Variants in HECTD2 observed in about 807,000 individuals in gnomAD.
HECTD2 encodes the protein probable E3 ubiquitin-protein ligase HECTD2.
HECTD2 carries 35 observed loss-of-function variants against 103.2 expected under a neutral mutation model. The ratio of observed to expected loss-of-function variants is 0.34; its 90% confidence interval spans 0.26 to 0.45. The LOEUF is 0.45. HECTD2 is among the 20% of genes least tolerant of loss of function. The pLI is 1.00. For missense variants in HECTD2, 596 were observed against 937.4 expected (o/e 0.64, Z 4.76); for synonymous variants, 281 against 329.9 (o/e 0.85, Z 1.61).
chr10:91,477,346 A>G (rs1291335375), intron 5 of HECTD2, among the ~76,000 whole-genome samples: 1 of 152,226 alleles, frequency 6.6e-6, no homozygotes, highest in Non-Finnish European at 1.5e-5. Flanking sequence ...TGAACTATAG[A>G]AATGTTGTGG....
rs1308556658 is a variant in HECTD2, at chr10:91,410,543, G to T, written c.105G>T (p.Pro35=). 1 of 1,463,100 alleles carries T rather than the reference G, an allele frequency of 6.8e-7. No individual in the cohort carries two copies. Among genetic ancestry groups the T allele is most frequent in the East Asian group, 2.9e-5 (1 of 34,356 alleles). 90.6% of individuals were successfully genotyped at this position (1,463,100 alleles called of 1,614,324 possible). A position where few individuals can be genotyped will look rare whatever the true frequency, so the allele number is the denominator to read the frequency against. ...AGGAGTCAGAGCGCGAGAAGCTGCC[G>T]CCCATCGTATCGGCGGGCGCCGGCG... The part of the protein sequence containing the change: ...KGKESEREKL[P]PIVSAGAGAT... Residue 35 remains proline (P), a synonymous_variant, in exon 1 of 21, where the codon CCG becomes CCT. Coordinates refer to ENST00000298068, the MANE Select transcript of HECTD2 (RefSeq NM_182765.6).
intron 4 of HECTD2, among the ~76,000 whole-genome samples, chr10:91,461,851 T>C (rs566402350): frequency 1.3e-5 from 2 of 152,242 alleles, no homozygotes; most frequent in East Asian, 3.9e-4. Context: ...CACCCAGCCC[T>C]TAAATGTTGT....
rs146153729 is a variant in HECTD2 at position 91,432,849 on chromosome 10, T to C, written c.268+7439T>C. 1.2e-4 allele frequency among the ~76,000 whole-genome samples: 19 copies of C among 152,110 alleles called. No homozygotes were observed. In the East Asian group the frequency reaches 3.7e-3, roughly 30 times the overall value. Reference sequence around the variant, plus strand: ...CTAGAGAAAAGCATACTGTGATCTTTGTCACCCTGAAATAGCCAGGGAAGA... The same window carrying C: ...CTAGAGAAAAGCATACTGTGATCTTCGTCACCCTGAAATAGCCAGGGAAGA... On this transcript the variant is annotated intron_variant, in intron 2 of 20. Coordinates refer to ENST00000298068, the MANE Select transcript of HECTD2 (RefSeq NM_182765.6).
intron 7 of HECTD2, among the ~76,000 whole-genome samples, chr10:91,481,876 T>C (rs1846099788): frequency 6.6e-6 from 1 of 151,734 alleles, no homozygotes; most frequent in African/African-American, 2.4e-5. Context: ...TACAATATTA[T>C]GATATTATAA....
Position 91,493,495 on chromosome 10 carries a change from G to T in HECTD2, c.1508G>T (p.Arg503Leu). The T allele has an allele frequency of 6.5e-7, 1 of 1,532,368 alleles. No individual in the cohort carries two copies. 94.9% of individuals were successfully genotyped at this position (1,532,368 alleles called of 1,614,324 possible). Residue 503 changes from arginine (R) to leucine (L), a missense_variant, in exon 14 of 21, where the codon CGA becomes CTA. Coordinates refer to ENST00000298068, the MANE Select transcript of HECTD2 (RefSeq NM_182765.6). ...SFKCDNYSEF[R>L]LVGILMGLAV... ...AAATGTGATAACTATTCTGAATTCC[G>T]ATTGGTTGGAATTGTATCCTTTAAA...
intron 4 of HECTD2, among the ~76,000 whole-genome samples, chr10:91,461,792 T>G (rs1845361017): frequency 6.6e-6 from 1 of 152,052 alleles, no homozygotes; most frequent in Admixed American, 6.6e-5. Flanking sequence ...CGGGTGATCC[T>G]CCCATGTCAG....
At chr10:91,504,239 C>T (rs1214645323) in intron 20 of HECTD2, among the ~76,000 whole-genome samples, 1 of 152,200 alleles carries the variant, frequency 6.6e-6, no homozygotes, top group Non-Finnish European at 1.5e-5. Flanking sequence ...TCCAAAGGAA[C>T]GCAGCTCCTC....
chr10:91,433,492 A>ATAGAAAAC (rs1193985634), intron 2 of HECTD2, among the ~76,000 whole-genome samples: 1 of 152,012 alleles, frequency 6.6e-6, no homozygotes, highest in Non-Finnish European at 1.5e-5. Context: ...GTATCAGTAC[A>ATAGAAAAC]TAGAAAACTT....
chr10:91,496,810 A>G (rs939211899), intron 15 of HECTD2, among the ~76,000 whole-genome samples: 1 of 152,086 alleles, frequency 6.6e-6, no homozygotes, highest in Admixed American at 6.6e-5. Flanking sequence ...CATTCTAATC[A>G]TGCTATTATT....
At chr10:91,415,035 A>G (rs780046282) in intron 1 of HECTD2, among the ~76,000 whole-genome samples, 3 of 152,246 alleles carry the variant, frequency 2.0e-5, no homozygotes, top group Non-Finnish European at 4.4e-5. Context: ...CAATGAGTGC[A>G]TCCACTAAGG....
intron 1 of HECTD2, among the ~76,000 whole-genome samples, chr10:91,420,833 C>A (rs1028479214): frequency 6.6e-6 from 1 of 152,176 alleles, no homozygotes; most frequent in African/African-American, 2.4e-5. Context: ...GCCAAGCCAG[C>A]TAATACATGG....
rs576171077 is a variant in HECTD2 at position 91,450,134 on chromosome 10, G to C, written c.269-10293G>C. Among the ~76,000 whole-genome samples, 12 of 151,838 alleles carry C rather than the reference G, an allele frequency of 7.9e-5. No homozygotes were observed. In the East Asian group the frequency reaches 2.3e-3, roughly 29 times the overall value. On this transcript the variant is annotated intron_variant, in intron 2 of 20. Coordinates refer to ENST00000298068, the MANE Select transcript of HECTD2 (RefSeq NM_182765.6). ...TTGCTACCTCACTTCAAACTACAAG[G>C]CTACAGTAACCAGAATAGCACAGTA...
At chr10:91,505,095 C>T (rs899188917) in intron 20 of HECTD2, among the ~76,000 whole-genome samples, 17 of 149,720 alleles carry the variant, frequency 1.1e-4, no homozygotes, top group South Asian at 6.5e-4. Context: ...CACCACCAGG[C>T]CTGCCCTAAA....
At chr10:91,493,112 A>G (rs573962723) in intron 13 of HECTD2, among the ~76,000 whole-genome samples, 3 of 151,808 alleles carry the variant, frequency 2.0e-5, no homozygotes, top group Non-Finnish European at 4.4e-5. Context: ...TTTATAATCT[A>G]TGAAACTATA....
intron 1 of HECTD2, among the ~76,000 whole-genome samples, chr10:91,412,468 C>A (rs1163853991): frequency 1.5e-5 from 2 of 129,900 alleles, no homozygotes. Flanking sequence ...TTTTTTTTTT[C>A]TTTTTGAGAC....
In HECTD2 at chr10:91,457,902, A is replaced by G. The variant is rs146740810; in HGVS notation, c.269-2525A>G. Among the ~76,000 whole-genome samples, 1,125 of 151,938 alleles carry G rather than the reference A, an allele frequency of 7.4e-3. 44 individuals carry two copies. The South Asian group carries it at 0.11, about 15-fold the overall frequency. ...TGCAAGGATGTTTGCTCTTACTCTT[A>G]TTCATCTCAGTGCTGCAAATTTTAG... On this transcript the variant is annotated intron_variant, in intron 2 of 20. Transcript: ENST00000298068.
intron 2 of HECTD2, among the ~76,000 whole-genome samples, chr10:91,444,238 G>C (rs1422030867): frequency 6.6e-6 from 1 of 152,040 alleles, no homozygotes; most frequent in Non-Finnish European, 1.5e-5. Flanking sequence ...TTCACACACA[G>C]AGCATATATA....
chr10:91,424,994 GC>G (rs1191845498), intron 1 of HECTD2, among the ~76,000 whole-genome samples: 4 of 151,984 alleles, frequency 2.6e-5, no homozygotes, highest in African/African-American at 9.7e-5. Flanking sequence ...AAGGAACAAT[GC>G]TAATTATGTG....
chr10:91,505,090 C>G (rs1162781362), intron 20 of HECTD2, among the ~76,000 whole-genome samples: 9 of 151,470 alleles, frequency 5.9e-5, no homozygotes, highest in Admixed American at 3.3e-4. Flanking sequence ...TTTGTCACCA[C>G]CAGGCCTGCC....
Sources: allele counts gnomAD v4.1 joint callset (sites outside exome capture counted in the v4.1 genomes callset), GRCh38; gene constraint gnomAD v4.1.1; transcripts MANE v1.5; gene names NCBI Gene and HGNC (gene_info 2026-07-23, HGNC 2026-07-21).